METTL15: variants seen among roughly 807,000 people sequenced by gnomAD.
METTL15 encodes the protein methyltransferase 15, mitochondrial 12S rRNA N4-cytidine.
A neutral mutation model predicts 38.3 loss-of-function variants in METTL15; 34 were observed. The observed-to-expected ratio is 0.89, with a 90% CI of 0.68 to 1.18. The LOEUF is 1.18. Ranked by LOEUF, METTL15 falls within the 50% of genes most tolerant of loss-of-function variation. The pLI is 0.00. For missense variants in METTL15, 438 were observed against 498.4 expected (o/e 0.88, Z 1.15); for synonymous variants, 162 against 170.9 (o/e 0.95, Z 0.41).
intron 4 of METTL15, among the ~76,000 whole-genome samples, chr11:28,238,964 T>C (rs1854161434): frequency 6.6e-6 from 1 of 152,226 alleles, no homozygotes; most frequent in Non-Finnish European, 1.5e-5. Flanking sequence ...ATTTGGATTT[T>C]TTTTTTCCTA....
downstream of METTL15, among the ~76,000 whole-genome samples, chr11:28,333,881 A>C (rs1249997442): frequency 6.6e-6 from 1 of 151,848 alleles, no homozygotes; most frequent in Admixed American, 6.6e-5. Flanking sequence ...TCACTTGCAA[A>C]TATTTGAAAA....
chr11:28,166,679 G>C (rs1199472383), intron 3 of METTL15, among the ~76,000 whole-genome samples: 1 of 152,174 alleles, frequency 6.6e-6, no homozygotes, highest in Non-Finnish European at 1.5e-5. Flanking sequence ...GCCAGGCATA[G>C]TGGCTCATGC....
At chr11:28,305,803 T>G (rs1416878151) in intron 6 of METTL15, among the ~76,000 whole-genome samples, 2 of 151,950 alleles carry the variant, frequency 1.3e-5, no homozygotes, top group East Asian at 3.9e-4. Context: ...AAGAGAAGGG[T>G]CAAGTAGAAG....
chr11:28,371,371 A>C (rs998274267), intron 5 of METTL15, among the ~76,000 whole-genome samples: 2 of 151,880 alleles, frequency 1.3e-5, no homozygotes, highest in Admixed American at 1.3e-4. Context: ...TACCTATTCT[A>C]TTCCTTTGGT....
intron 3 of METTL15, among the ~76,000 whole-genome samples, chr11:28,179,829 G>C (rs979143924): frequency 2.0e-5 from 3 of 151,830 alleles, no homozygotes; most frequent in African/African-American, 7.2e-5. Flanking sequence ...GAGCCAAGCA[G>C]TGTTATGAAG....
At chr11:28,521,157 A>C (rs759343204) in intron 6 of METTL15, among the ~76,000 whole-genome samples, 3 of 152,152 alleles carry the variant, frequency 2.0e-5, no homozygotes, top group Non-Finnish European at 2.9e-5. Flanking sequence ...CAGAATTACA[A>C]CCTGAGGTCC....
At chr11:28,454,606 C>T (rs568977224) in intron 6 of METTL15, among the ~76,000 whole-genome samples, 54 of 152,256 alleles carry the variant, frequency 3.5e-4, no homozygotes, top group African/African-American at 1.2e-3. Context: ...TCCAGGTTTC[C>T]GTCTACTCAT....
chr11:28,429,135 G>A (rs1212147751), intron 6 of METTL15, among the ~76,000 whole-genome samples: 1 of 151,976 alleles, frequency 6.6e-6, no homozygotes, highest in Non-Finnish European at 1.5e-5. Context: ...ACCCTATTTT[G>A]TGTAATAGGT....
chr11:28,394,109 G>A (rs139327059), intron 5 of METTL15, among the ~76,000 whole-genome samples: 83 of 152,092 alleles, frequency 5.5e-4, no homozygotes, highest in Non-Finnish European at 7.8e-4. Context: ...ATTTTTGTGC[G>A]TCATGTTTTG....
At chr11:28,346,137 C>A (rs1849993739) in intron 3 of METTL15, among the ~76,000 whole-genome samples, 1 of 152,118 alleles carries the variant, frequency 6.6e-6, no homozygotes, top group Admixed American at 6.6e-5. Context: ...AATTTTCTTG[C>A]CACTGAATGA....
chr11:28,194,192 CCTCT>C (rs10696048), intron 3 of METTL15, among the ~76,000 whole-genome samples: 3 of 125,060 alleles, frequency 2.4e-5, no homozygotes, highest in Non-Finnish European at 4.9e-5. Flanking sequence ...CTCTCTCTCT[CCTCT>C]CTCTCTCTCT....
At chr11:28,112,064 G>A (rs1851742763) in intron 2 of METTL15, among the ~76,000 whole-genome samples, 1 of 152,024 alleles carries the variant, frequency 6.6e-6, no homozygotes, top group Admixed American at 6.6e-5. Context: ...TCTTGTTGAT[G>A]TTACATCATA....
chr11:28,474,349 A>G (rs1184409876), intron 6 of METTL15, among the ~76,000 whole-genome samples: 1 of 152,156 alleles, frequency 6.6e-6, no homozygotes, highest in Non-Finnish European at 1.5e-5. Context: ...TTAATCCAAG[A>G]AATAATGATA....
intron 5 of METTL15, among the ~76,000 whole-genome samples, chr11:28,381,643 A>G (rs1850386919): frequency 6.6e-6 from 1 of 152,000 alleles, no homozygotes; most frequent in Non-Finnish European, 1.5e-5. Context: ...TCTTCTGTTG[A>G]GAGCCTCTAA....
In METTL15 at chr11:28,439,428, G is replaced by A. The variant is rs545327054; in HGVS notation, c.*424+15064G>A. Among the ~76,000 whole-genome samples the A allele has an allele frequency of 4.6e-5, 7 of 152,334 alleles. No homozygotes were observed. The East Asian group carries it at 9.7e-4, about 21-fold the overall frequency. On this transcript the variant is annotated intron_variant and NMD_transcript_variant, in intron 6 of 7. Coordinates refer to the METTL15 transcript ENST00000532947. ...GTTACGCAGGACAAATGTGCTTCACGAGAGCTCAAGAAAATTCTGTTTCCA... is the reference window on the plus strand; with the variant it reads ...GTTACGCAGGACAAATGTGCTTCACAAGAGCTCAAGAAAATTCTGTTTCCA...
chr11:28,495,465 T>A (rs1263701345), intron 6 of METTL15, among the ~76,000 whole-genome samples: 1 of 152,146 alleles, frequency 6.6e-6, no homozygotes, highest in Non-Finnish European at 1.5e-5. Context: ...TGAGCATGCT[T>A]GTAAGGGGGG....
chr11:28,422,559 G>A (rs1385933447), intron 5 of METTL15, among the ~76,000 whole-genome samples: 1 of 151,874 alleles, frequency 6.6e-6, no homozygotes, highest in African/African-American at 2.4e-5. Flanking sequence ...ACAGTGAACT[G>A]ATTTTCCACA....
At chr11:28,150,600 C>T (rs1850047108) in intron 3 of METTL15, among the ~76,000 whole-genome samples, 1 of 151,152 alleles carries the variant, frequency 6.6e-6, no homozygotes, top group South Asian at 2.1e-4. Context: ...ATGAAAAATC[C>T]CTCTCCTTTA....
intron 5 of METTL15, among the ~76,000 whole-genome samples, chr11:28,423,279 A>G (rs1850836858): frequency 6.6e-6 from 1 of 152,100 alleles, no homozygotes; most frequent in Non-Finnish European, 1.5e-5. Flanking sequence ...TATGGAGAAC[A>G]TTTTGGAAGT....
Sources: allele counts gnomAD v4.1 joint callset (sites outside exome capture counted in the v4.1 genomes callset), GRCh38; gene constraint gnomAD v4.1.1; transcripts MANE v1.5; gene names NCBI Gene and HGNC (gene_info 2026-07-23, HGNC 2026-07-21).